PPP2R2B: variants seen among roughly 807,000 people sequenced by gnomAD.
PPP2R2B encodes the protein serine/threonine-protein phosphatase 2A 55 kDa regulatory subunit B beta isoform.
PPP2R2B carries 5 observed loss-of-function variants against 46.0 expected under a neutral mutation model. The ratio of observed to expected loss-of-function variants is 0.11; its 90% CI spans 0.06 to 0.23. The LOEUF is 0.23. Ranked by LOEUF, PPP2R2B falls within the 10% of genes least tolerant of loss-of-function variation. PPP2R2B has a pLI of 1.00. For missense variants in PPP2R2B, 367 were observed against 575.0 expected, an observed-to-expected ratio of 0.64 and a Z score of 3.70; for synonymous variants, 215 against 206.7, an observed-to-expected ratio of 1.04 and a Z score of -0.34.
intron 6 of PPP2R2B, 41 bp from the exon 7 acceptor site, chr5:146,638,456 C>T (rs1325050061): frequency 5.2e-6 from 8 of 1,534,230 alleles, no homozygotes; most frequent in Non-Finnish European, 7.1e-6. Context: ...GAGAAGGAGG[C>T]AGGAACTTGG....
At chr5:146,936,958 G>C (rs1764164776) in intron 1 of PPP2R2B, among the ~76,000 whole-genome samples, 1 of 150,046 alleles carries the variant, frequency 6.7e-6, no homozygotes, top group Non-Finnish European at 1.5e-5. Context: ...ATCATTCTTC[G>C]AACTAGACAG....
chr5:147,053,529 G>A (rs1369227768), intron 1 of PPP2R2B, among the ~76,000 whole-genome samples: 2 of 117,290 alleles, frequency 1.7e-5, no homozygotes, highest in South Asian at 3.1e-4. Flanking sequence ...AGGGTGACAC[G>A]ATTGCCAACA....
At chr5:146,591,748 G>A (rs1713421619) in intron 9 of PPP2R2B, among the ~76,000 whole-genome samples, 1 of 150,202 alleles carries the variant, frequency 6.7e-6, no homozygotes, top group Non-Finnish European at 1.5e-5. Context: ...GTTATAGAAA[G>A]AGTGTTGATC....
chr5:146,678,152 T>G (rs1018549985), intron 5 of PPP2R2B, among the ~76,000 whole-genome samples: 3 of 152,132 alleles, frequency 2.0e-5, no homozygotes, highest in Non-Finnish European at 4.4e-5. Context: ...AATAAAATAC[T>G]GGCAAAACGA....
intron 2 of PPP2R2B, among the ~76,000 whole-genome samples, chr5:146,825,231 T>C (rs1188421721): frequency 6.6e-6 from 1 of 152,184 alleles, no homozygotes; most frequent in Non-Finnish European, 1.5e-5. Context: ...AGAGGGTTGC[T>C]GAGCTGTCCA....
intron 2 of PPP2R2B, among the ~76,000 whole-genome samples, chr5:146,811,875 CTATG>C (rs888967202): frequency 1.3e-5 from 2 of 151,876 alleles, no homozygotes; most frequent in African/African-American, 2.4e-5. Context: ...CCAGAATCAA[CTATG>C]TATTATCTGT....
rs185435496 is a variant in PPP2R2B, at chr5:146,878,160, G to T, written c.-89C>A. On this transcript the variant is annotated 5_prime_UTR_variant, in exon 2 of 10. An upstream open reading frame in the 5' UTR gains an earlier in-frame stop. Coordinates refer to ENST00000394411, the MANE Select transcript of PPP2R2B (RefSeq NM_181675.4). This position sits in a 1 kb window ranked among gnomAD's most constrained non-coding sequence, Gnocchi z 4.5. ...GCAGCCAGTCTCACAGGAGAGGGGG[G>T]CAGGGGAGCCAGTGGGACTGCACCA... The T allele has an allele frequency of 6.2e-7, 1 of 1,605,738 alleles. No homozygotes were observed. The highest frequency in any genetic ancestry group is 8.5e-7 in the Non-Finnish European group (1 of 1,175,840).
chr5:146,943,451 T>C (rs772892289), intron 1 of PPP2R2B, among the ~76,000 whole-genome samples: 1 of 152,208 alleles, frequency 6.6e-6, no homozygotes, highest in Non-Finnish European at 1.5e-5. Flanking sequence ...TCAACATTCT[T>C]GCTGTAACTA....
chr5:147,072,738 G>T (rs1241409569), intron 2 of PPP2R2B, among the ~76,000 whole-genome samples: 1 of 152,154 alleles, frequency 6.6e-6, no homozygotes, highest in Non-Finnish European at 1.5e-5. Flanking sequence ...GTATTGTGCA[G>T]CACTTTCAAA....
At chr5:146,909,307 T>C (rs528238499) in intron 1 of PPP2R2B, among the ~76,000 whole-genome samples, 1 of 152,328 alleles carries the variant, frequency 6.6e-6, no homozygotes, top group South Asian at 2.1e-4. Context: ...GTTCTTGAAT[T>C]CAGTTCATTT....
rs531247048 is a variant in PPP2R2B, at chr5:146,682,841, C to G, written c.447+8287G>C. 2.0e-5 allele frequency among the ~76,000 whole-genome samples: 3 copies of G among 152,316 alleles called. No individual in the cohort carries two copies. The East Asian group carries it at 5.8e-4, about 29-fold the overall frequency. On this transcript the variant is annotated intron_variant, in intron 5 of 9. Coordinates refer to ENST00000394411, the MANE Select transcript of PPP2R2B (RefSeq NM_181675.4). ...TGGATGCTCATTCTAAATCAAATCA[C>G]TCTCTTAGTGTAAAGGCAACCACAT...
chr5:146,826,048 A>G (rs372370672), intron 2 of PPP2R2B, among the ~76,000 whole-genome samples: 14 of 152,306 alleles, frequency 9.2e-5, no homozygotes, highest in African/African-American at 3.1e-4. Context: ...AAGCTGTAAA[A>G]TTTATATCCG....
chr5:146,711,263 G>A (rs963221139), intron 2 of PPP2R2B, among the ~76,000 whole-genome samples: 10 of 151,976 alleles, frequency 6.6e-5, no homozygotes, highest in African/African-American at 2.4e-4. Flanking sequence ...AAGTCATCAA[G>A]CAATCAATCT....
intron 1 of PPP2R2B, chr5:147,035,363 C>A: frequency 3.6e-6 from 1 of 278,318 alleles, no homozygotes; most frequent in South Asian, 2.9e-5. Flanking sequence ...CCCCATGATC[C>A]AATCACCTCC....
chr5:147,032,940 C>T (rs192199749), intron 1 of PPP2R2B, among the ~76,000 whole-genome samples: 43 of 152,210 alleles, frequency 2.8e-4, no homozygotes, highest in African/African-American at 1.0e-3. Flanking sequence ...CCAAACTCTC[C>T]TTATTGTTTT....
intron 1 of PPP2R2B, among the ~76,000 whole-genome samples, chr5:147,034,525 C>T (rs971357024): frequency 5.3e-5 from 8 of 152,136 alleles, no homozygotes; most frequent in Non-Finnish European, 1.2e-4. Flanking sequence ...CACTGCTCTT[C>T]TAAATGTCAT....
At chr5:147,041,803 C>A (rs1756321835) in intron 1 of PPP2R2B, among the ~76,000 whole-genome samples, 1 of 152,114 alleles carries the variant, frequency 6.6e-6, no homozygotes, top group South Asian at 2.1e-4. Context: ...TCTAACACCT[C>A]AGTGACAAAG....
chr5:146,946,033 T>C (rs1312379105), intron 1 of PPP2R2B, among the ~76,000 whole-genome samples: 1 of 152,170 alleles, frequency 6.6e-6, no homozygotes, highest in Admixed American at 6.6e-5. Context: ...TCGATTCTAA[T>C]TCACAATTTA....
At chr5:146,785,933 CAGAT>C (rs564749811) in intron 2 of PPP2R2B, among the ~76,000 whole-genome samples, 4 of 151,810 alleles carry the variant, frequency 2.6e-5, no homozygotes, top group East Asian at 1.9e-4. Flanking sequence ...AAAATATAGT[CAGAT>C]AGAAGAAATA....
Sources: allele counts gnomAD v4.1 joint callset (sites outside exome capture counted in the v4.1 genomes callset), GRCh38; gene constraint gnomAD v4.1.1; non-coding constraint Gnocchi (gnomAD v3.1); transcripts MANE v1.5; gene names NCBI Gene and HGNC (gene_info 2026-07-23, HGNC 2026-07-21).